The following ANAPC10 variants were observed in gnomAD, a reference collection of about 807,000 sequenced individuals.
ANAPC10 encodes anaphase promoting complex subunit 10.
Under a neutral mutation model 22.0 loss-of-function variants are expected in ANAPC10, and 12 were observed. That is an observed-to-expected ratio of 0.55 (90% CI 0.35 to 0.88). The LOEUF (loss-of-function observed/expected upper bound fraction) is 0.88, where lower values mean the gene tolerates loss of function less well. Ranked by LOEUF, ANAPC10 falls within the 40% of genes least tolerant of loss-of-function variation. ANAPC10 has a pLI of 0.01. For missense variants in ANAPC10, 188 were observed against 220.9 expected (o/e 0.85, Z 0.94); for synonymous variants, 65 against 69.5 (o/e 0.94, Z 0.32).
chr4:145,041,526 G>A (rs1739521035), intron 4 of ANAPC10, among the ~76,000 whole-genome samples: 1 of 152,202 alleles, frequency 6.6e-6, no homozygotes, highest in South Asian at 2.1e-4. Flanking sequence ...AGGCTTCTTG[G>A]CAATCAAGAA....
chr4:145,030,978 C>T (rs1346414600), intron 4 of ANAPC10, among the ~76,000 whole-genome samples: 1 of 152,198 alleles, frequency 6.6e-6, no homozygotes, highest in East Asian at 1.9e-4. Context: ...ATTGCAGCTG[C>T]TGTACCAGAT....
intron 4 of ANAPC10, among the ~76,000 whole-genome samples, chr4:145,000,841 A>G (rs1232207709): frequency 1.3e-5 from 2 of 152,144 alleles, no homozygotes; most frequent in Non-Finnish European, 2.9e-5. Context: ...TGACATATAT[A>G]TACCATGGAA....
At chr4:145,048,617 C>T (rs1156672831) in intron 4 of ANAPC10, among the ~76,000 whole-genome samples, 1 of 151,206 alleles carries the variant, frequency 6.6e-6, no homozygotes. Context: ...CTCCCCCAAC[C>T]ACCTCCCTCA....
chr4:145,086,951 G>A lies in ANAPC10; in HGVS notation c.116-5201C>T, dbSNP rs567770821. Among the ~76,000 whole-genome samples, 10 of 151,992 alleles carry A rather than the reference G, an allele frequency of 6.6e-5. No homozygotes were observed. In the East Asian group the frequency reaches 1.9e-3, roughly 30 times the overall value. ...TTCTCTCCCCACTCTCCATGGGAGG[G>A]ATACGATTCTGCACTCCAGTCAATA... On this transcript the variant is annotated intron_variant, in intron 2 of 4. Transcript: ENST00000507656.
intron 4 of ANAPC10, among the ~76,000 whole-genome samples, chr4:145,004,958 T>C (rs908004603): frequency 3.5e-4 from 54 of 152,152 alleles, no homozygotes; most frequent in Non-Finnish European, 4.4e-4. Flanking sequence ...GCTATGGATA[T>C]GTGTGGTTCT....
At chr4:145,036,096 C>G (rs35311767) in intron 4 of ANAPC10, among the ~76,000 whole-genome samples, 13,235 of 151,842 alleles carry the variant, frequency 0.087, 645 homozygotes, top group Middle Eastern at 0.17. Flanking sequence ...AAAATAATGC[C>G]TAAAAAAAAT....
intron 3 of ANAPC10, among the ~76,000 whole-genome samples, chr4:145,066,437 T>G (rs1743695581): frequency 1.3e-5 from 2 of 151,992 alleles, no homozygotes. Context: ...AAATGGTCTT[T>G]CTTCTTATGG....
intron 4 of ANAPC10, among the ~76,000 whole-genome samples, chr4:145,057,943 T>C (rs779635496): frequency 5.3e-5 from 8 of 152,156 alleles, no homozygotes; most frequent in Non-Finnish European, 8.8e-5. Flanking sequence ...TAAATCCTCG[T>C]AATTTTTACC....
intron 3 of ANAPC10, among the ~76,000 whole-genome samples, chr4:145,069,409 C>A (rs1744168458): frequency 6.6e-6 from 1 of 152,182 alleles, no homozygotes; most frequent in African/African-American, 2.4e-5. Flanking sequence ...ACAATATGAA[C>A]ATGCATACAG....
At chr4:145,031,484 T>C (rs1737572322) in intron 4 of ANAPC10, among the ~76,000 whole-genome samples, 1 of 152,348 alleles carries the variant, frequency 6.6e-6, no homozygotes, top group Middle Eastern at 3.4e-3. Flanking sequence ...GCACGACACC[T>C]AGTGGGTCTA....
intron 4 of ANAPC10, among the ~76,000 whole-genome samples, chr4:145,058,858 T>A (rs1433317680): frequency 6.6e-6 from 1 of 152,174 alleles, no homozygotes; most frequent in Non-Finnish European, 1.5e-5. Flanking sequence ...TTTTCAAAAA[T>A]TCTATATATT....
intron 4 of ANAPC10, among the ~76,000 whole-genome samples, chr4:144,996,002 T>G (rs35059045): frequency 1.3e-5 from 2 of 152,168 alleles, no homozygotes; most frequent in East Asian, 1.9e-4. Flanking sequence ...GAATACTAAG[T>G]AGATACTCAT....
At chr4:145,002,472 A>G (rs1405498565) in intron 4 of ANAPC10, among the ~76,000 whole-genome samples, 1 of 93,828 alleles carries the variant, frequency 1.1e-5, no homozygotes, top group African/African-American at 5.5e-5. Context: ...GAAAATCGGA[A>G]AAGTTTCTAT....
chr4:145,063,154 A>G (rs568585523), intron 4 of ANAPC10, among the ~76,000 whole-genome samples: 1 of 152,258 alleles, frequency 6.6e-6, no homozygotes, highest in African/African-American at 2.4e-5. Flanking sequence ...AAGAGAGTGG[A>G]TTTTGAGAGT....
At chr4:145,061,152 A>G (rs1233216755) in intron 4 of ANAPC10, among the ~76,000 whole-genome samples, 2 of 152,132 alleles carry the variant, frequency 1.3e-5, no homozygotes, top group Non-Finnish European at 2.9e-5. Context: ...CTAAATAGAA[A>G]TATAAACACA....
Position 145,077,274 on chromosome 4 carries a change from T to G in ANAPC10, c.206+4386A>C, listed in dbSNP as rs1022544294. ...AAATGAGCAAAACCTCTGAGAAATATGAGATTATGTAAAGAGACCAAAACT... is the reference window on the plus strand; with the variant it reads ...AAATGAGCAAAACCTCTGAGAAATAGGAGATTATGTAAAGAGACCAAAACT... On this transcript the variant is annotated intron_variant, in intron 3 of 4. Coordinates refer to ENST00000507656, the MANE Select transcript of ANAPC10 (RefSeq NM_001256706.2). Among the ~76,000 whole-genome samples the G allele has an allele frequency of 5.9e-5, 9 of 152,172 alleles. No homozygotes were observed. In the East Asian group the frequency reaches 1.7e-3, roughly 29 times the overall value.
At chr4:145,082,967 G>A (rs1746292799) in intron 2 of ANAPC10, among the ~76,000 whole-genome samples, 1 of 152,028 alleles carries the variant, frequency 6.6e-6, no homozygotes, top group African/African-American at 2.4e-5. Context: ...TCAGTTTATT[G>A]CATGCCCTTT....
At chr4:145,080,243 G>T (rs1239157883) in intron 3 of ANAPC10, among the ~76,000 whole-genome samples, 4 of 151,938 alleles carry the variant, frequency 2.6e-5, no homozygotes, top group Admixed American at 2.6e-4. Flanking sequence ...TACCTATTAG[G>T]TACTATACTT....
At chr4:145,004,308 G>C (rs149909888) in intron 4 of ANAPC10, among the ~76,000 whole-genome samples, 115 of 152,176 alleles carry the variant, frequency 7.6e-4, no homozygotes, top group Non-Finnish European at 1.3e-3. Context: ...TTTGAGTTCC[G>C]ATCTTCCTAT....
Sources: gnomAD v4.1 joint callset for allele counts (sites outside exome capture counted in the v4.1 genomes callset) on GRCh38, gnomAD v4.1.1 for gene constraint, MANE v1.5 for transcripts, NCBI Gene and HGNC (gene_info 2026-07-23, HGNC 2026-07-21) for gene names.